CBLB: variants seen among roughly 807,000 people sequenced by gnomAD.
The protein encoded by CBLB is Cbl proto-oncogene B.
A neutral mutation model predicts 104.9 loss-of-function variants in CBLB; 31 were observed. That is an observed-to-expected ratio of 0.30 (90% CI 0.22 to 0.40). The LOEUF is 0.40. Among genes scored for constraint, CBLB ranks in the 10% least tolerant of loss-of-function variants. The pLI is 1.00. For missense variants in CBLB, 1,062 were observed against 1,214.6 expected (o/e 0.87, Z 1.87); for synonymous variants, 440 against 422.6 (o/e 1.04, Z -0.51).
chr3:105,763,091 A>G (rs1336569400), intron 4 of CBLB, among the ~76,000 whole-genome samples: 1 of 151,972 alleles, frequency 6.6e-6, no homozygotes, highest in East Asian at 1.9e-4. Context: ...GGGCCTGTAG[A>G]CCCTTTGTTT....
At chr3:105,818,155 A>C (rs1054809131) in intron 3 of CBLB, among the ~76,000 whole-genome samples, 2 of 152,190 alleles carry the variant, frequency 1.3e-5, no homozygotes, top group African/African-American at 4.8e-5. Flanking sequence ...ACTTCTCAGA[A>C]TGATTATTCC....
At chr3:105,869,283 A>G, upstream of CBLB, 1 of 966,974 alleles carries the variant, frequency 1.0e-6, no homozygotes, top group Non-Finnish European at 1.5e-6. Context: ...CGGGAACGAA[A>G]GTGGAAACGG....
chr3:105,822,669 A>G (rs1342364522), intron 3 of CBLB, among the ~76,000 whole-genome samples: 1 of 152,188 alleles, frequency 6.6e-6, no homozygotes, highest in Non-Finnish European at 1.5e-5. Context: ...TACTACTCTT[A>G]GTACCCAAAC....
chr3:105,698,698 C>A (rs2068705515), intron 12 of CBLB, among the ~76,000 whole-genome samples: 1 of 151,224 alleles, frequency 6.6e-6, no homozygotes, highest in South Asian at 2.1e-4. Context: ...AAATCTCCCA[C>A]TCTTTAATCC....
Position 105,702,472 on chromosome 3 carries a change from A to AAG in CBLB, c.1594-15_1594-14dup, listed in dbSNP as rs772900506. 1 of 860,792 alleles carries AAG rather than the reference A, an allele frequency of 1.2e-6. No homozygotes were observed. Among genetic ancestry groups the AAG allele is most frequent in the South Asian group, 1.6e-5 (1 of 61,982 alleles). The allele number at this position is 860,792 out of a possible 1,614,324, so 53.3% of individuals were successfully genotyped here. A position where few individuals can be genotyped will look rare whatever the true frequency, so the allele number is the denominator to read the frequency against. On this transcript the variant is annotated splice_polypyrimidine_tract_variant and intron_variant, in intron 11 of 18. Transcript: ENST00000394030. ...TGCAAGGAGAAGACTAAAGAAACAG[A>AAG]AGAGAAAAAAAAAAAAAAAAAAAAA...
At chr3:105,856,416 A>G (rs7650046) in intron 2 of CBLB, among the ~76,000 whole-genome samples, 137,422 of 150,668 alleles carry the variant, frequency 0.91, 62,964 homozygotes, top group Non-Finnish European at 0.96. Flanking sequence ...TTTTTTTCAG[A>G]GGGAGTAGAT....
At chr3:105,666,172 A>T (rs2064433289) in intron 18 of CBLB, among the ~76,000 whole-genome samples, 1 of 152,232 alleles carries the variant, frequency 6.6e-6, no homozygotes, top group African/African-American at 2.4e-5. Context: ...TTTACTTAGT[A>T]AACCAGTGAC....
intron 2 of CBLB, among the ~76,000 whole-genome samples, chr3:105,863,717 C>CA (rs1335422896): frequency 1.3e-5 from 2 of 152,014 alleles, no homozygotes; most frequent in Non-Finnish European, 2.9e-5. Context: ...AGACTGAGGG[C>CA]AAAAGGCAGG....
intron 18 of CBLB, among the ~76,000 whole-genome samples, chr3:105,668,500 A>G (rs1235047972): frequency 6.6e-6 from 1 of 152,182 alleles, no homozygotes; most frequent in Non-Finnish European, 1.5e-5. Context: ...GCTCAAAGTT[A>G]TATTTTAATA....
At chr3:105,859,612 G>C (rs1334732892) in intron 2 of CBLB, among the ~76,000 whole-genome samples, 1 of 146,940 alleles carries the variant, frequency 6.8e-6, no homozygotes. Flanking sequence ...CCGAGATCGT[G>C]CCACTGCACT....
At chr3:105,689,090 G>T (rs2067355184) in intron 13 of CBLB, among the ~76,000 whole-genome samples, 1 of 151,872 alleles carries the variant, frequency 6.6e-6, no homozygotes, top group African/African-American at 2.4e-5. Flanking sequence ...CCTCTTCCCT[G>T]CTTATTTTTC....
chr3:105,672,058 C>T (rs2065118696), intron 17 of CBLB: 1 of 193,416 alleles, frequency 5.2e-6, no homozygotes, highest in African/African-American at 2.3e-5. Flanking sequence ...TTCTTGTAGA[C>T]TCTAAATGCC....
At chr3:105,864,920 T>C (rs1455943257) in intron 2 of CBLB, among the ~76,000 whole-genome samples, 2 of 151,512 alleles carry the variant, frequency 1.3e-5, no homozygotes, top group Admixed American at 6.6e-5. Context: ...TTCATATTTA[T>C]ACTTCCAAGA....
chr3:105,719,813 T>C (rs779635245), intron 10 of CBLB, among the ~76,000 whole-genome samples: 2 of 152,184 alleles, frequency 1.3e-5, no homozygotes, highest in Non-Finnish European at 1.5e-5. Flanking sequence ...GTTGTTATCA[T>C]AGGAGATGAC....
At chr3:105,840,281 C>T (rs926138022) in intron 3 of CBLB, among the ~76,000 whole-genome samples, 2 of 151,282 alleles carry the variant, frequency 1.3e-5, no homozygotes, top group Non-Finnish European at 2.9e-5. Flanking sequence ...CATGTATATA[C>T]ATAAACAGAG....
intron 4 of CBLB, among the ~76,000 whole-genome samples, chr3:105,775,861 T>A (rs954087003): frequency 6.6e-6 from 1 of 152,196 alleles, no homozygotes; most frequent in Non-Finnish European, 1.5e-5. Context: ...ATATAATCTC[T>A]ATGCAGTAAA....
chr3:105,803,143 G>C (rs1157090286), intron 3 of CBLB, among the ~76,000 whole-genome samples: 1 of 152,114 alleles, frequency 6.6e-6, no homozygotes. Context: ...CACTGAGCAA[G>C]CAATTTCAGG....
intron 6 of CBLB, 147 bp from the exon 7 acceptor site, chr3:105,740,778 A>G (rs1359830341): frequency 1.4e-6 from 1 of 722,122 alleles, no homozygotes; most frequent in Non-Finnish European, 2.4e-6. Context: ...ACTTATTTTT[A>G]GCAACAATGT....
chr3:105,806,241 G>A (rs1270215587), intron 3 of CBLB, among the ~76,000 whole-genome samples: 2 of 151,934 alleles, frequency 1.3e-5, no homozygotes, highest in African/African-American at 2.4e-5. Context: ...ACTTTAAGAC[G>A]TCATTACATA....
Sources: allele counts gnomAD v4.1 joint callset (sites outside exome capture counted in the v4.1 genomes callset), GRCh38; gene constraint gnomAD v4.1.1; transcripts MANE v1.5; gene names NCBI Gene and HGNC (gene_info 2026-07-23, HGNC 2026-07-21).